MARCHF6: variants seen among roughly 807,000 people sequenced by gnomAD.
MARCHF6 encodes the protein membrane associated ring-CH-type finger 6.
MARCHF6 carries 31 observed loss-of-function variants against 133.7 expected under a neutral mutation model. The ratio of observed to expected loss-of-function variants is 0.23; its 90% CI spans 0.17 to 0.31. The LOEUF (loss-of-function observed/expected upper bound fraction) is 0.31. Ranked by LOEUF, MARCHF6 falls within the 10% of genes least tolerant of loss-of-function variation. MARCHF6 has a pLI of 1.00. For synonymous variants in MARCHF6, 395 were observed against 402.5 expected (o/e 0.98, Z 0.22); for missense variants, 723 against 1,121.6 (o/e 0.64, Z 5.08).
intron 1 of MARCHF6, among the ~76,000 whole-genome samples, chr5:10,365,789 C>T (rs537906712): frequency 5.3e-5 from 8 of 152,056 alleles, no homozygotes; most frequent in Non-Finnish European, 1.2e-4. Flanking sequence ...GAAAAATTAC[C>T]CATGTTCTCG....
At chr5:10,418,381 C>CAAA (rs36005391) in intron 22 of MARCHF6, among the ~76,000 whole-genome samples, 1 of 92,266 alleles carries the variant, frequency 1.1e-5, no homozygotes, top group African/African-American at 4.0e-5. Context: ...ACCCTGTCTC[C>CAAA]AAAAAAAAAA....
At chr5:10,391,466 GCA>G in intron 6 of MARCHF6, 74 bp from the exon 7 acceptor site, 4 of 116,758 alleles carry the variant, frequency 3.4e-5, no homozygotes, top group Non-Finnish European at 6.0e-5. Flanking sequence ...TTTTTTTTTA[GCA>G]GGAATAATGT....
intron 1 of MARCHF6, among the ~76,000 whole-genome samples, chr5:10,369,914 T>C (rs1214040095): frequency 2.0e-5 from 3 of 152,124 alleles, no homozygotes; most frequent in Non-Finnish European, 4.4e-5. Context: ...TGATTGTTTC[T>C]AGTTTTGGGG....
intron 3 of MARCHF6, 35 bp downstream of exon 3, chr5:10,378,867 T>G: frequency 1.4e-6 from 2 of 1,427,668 alleles, no homozygotes; most frequent in Non-Finnish European, 2.0e-6. Flanking sequence ...GCATTTTTTT[T>G]GGTTATCACT....
intron 1 of MARCHF6, among the ~76,000 whole-genome samples, chr5:10,362,711 G>A (rs1224943694): frequency 6.6e-6 from 1 of 152,176 alleles, no homozygotes; most frequent in Non-Finnish European, 1.5e-5. Flanking sequence ...AGCTTGAAAA[G>A]GGATGAATAT....
chr5:10,365,739 G>A (rs1736104216), intron 1 of MARCHF6, among the ~76,000 whole-genome samples: 1 of 152,070 alleles, frequency 6.6e-6, no homozygotes, highest in South Asian at 2.1e-4. Context: ...AATTGTAAAA[G>A]TAGCAATTAA....
rs201023548 is a variant in MARCHF6 at position 10,426,452 on chromosome 5, C to T, written c.2436C>T (p.Pro812=). ...LHYIVRKLAA[P]VISVLLLSLC... Reference sequence around the variant, plus strand: ...ATATTGTTCGTAAACTGGCAGCTCCCGTGATCTCTGTGCTGTTGCTTTCCC... The same window carrying T: ...ATATTGTTCGTAAACTGGCAGCTCCTGTGATCTCTGTGCTGTTGCTTTCCC... The change falls in exon 24 of 26, where the codon CCC becomes CCT. Residue 812 remains proline, a synonymous_variant. Coordinates refer to ENST00000274140, the MANE Select transcript of MARCHF6 (RefSeq NM_005885.4). 24 of 1,614,124 alleles carry T rather than the reference C, an allele frequency of 1.5e-5. No individual in the cohort carries two copies. The highest frequency in any genetic ancestry group is 4.0e-5 in the African/African-American group (3 of 75,038).
At position 10,438,217 on chromosome 5, in the gene MARCHF6, G is replaced by C. The variant is rs1479008614; in HGVS notation, c.*4533G>C. ...TAGAGTAAAACCAATCAAATCCATT[G>C]TACATACCTGACCATATGTCCCAGA... On this transcript the variant is annotated 3_prime_UTR_variant, in exon 26 of 26. Coordinates refer to ENST00000274140, the MANE Select transcript of MARCHF6 (RefSeq NM_005885.4). 1 of 152,018 alleles carries C rather than the reference G, an allele frequency of 6.6e-6. No individual in the cohort carries two copies. Among genetic ancestry groups the C allele is most frequent in the Non-Finnish European group, 1.5e-5 (1 of 68,018 alleles). The allele number at this position is 152,018 out of a possible 1,614,324, so 9.4% of individuals were successfully genotyped here. A position where few individuals can be genotyped will look rare whatever the true frequency, so the allele number is the denominator to read the frequency against.
At position 10,435,703 on chromosome 5, in the gene MARCHF6, T is replaced by A. The variant is rs1740623731; in HGVS notation, c.*2019T>A. ...TATATATATATATATATATATTTTTTTTTTTTTTTTTTTTTTTTTTTTTTT... is the reference window on the plus strand; with the variant it reads ...TATATATATATATATATATATTTTTATTTTTTTTTTTTTTTTTTTTTTTTT... On this transcript the variant is annotated 3_prime_UTR_variant, in exon 26 of 26. Transcript: ENST00000274140. 2.6e-5 allele frequency: 1 copy of A among 38,406 alleles called. No homozygotes were observed. The highest frequency in any genetic ancestry group is 5.3e-5 in the Non-Finnish European group (1 of 18,814). 2.4% of individuals were successfully genotyped at this position (38,406 alleles called of 1,614,324 possible).
At chr5:10,354,643 C>T (rs1394212630) in intron 1 of MARCHF6, 1 of 152,230 alleles carries the variant, frequency 6.6e-6, no homozygotes, top group African/African-American at 2.4e-5. Context: ...CCTTATGTCT[C>T]TTCAAACGCA....
chr5:10,354,176 A>C (rs1459525787), intron 1 of MARCHF6, among the ~76,000 whole-genome samples: 4 of 151,884 alleles, frequency 2.6e-5, no homozygotes, highest in Non-Finnish European at 5.9e-5. Flanking sequence ...CCTCGGGGCT[A>C]CTGCAGGCCG....
intron 2 of MARCHF6, among the ~76,000 whole-genome samples, chr5:10,378,193 T>C (rs1172494535): frequency 1.3e-5 from 2 of 152,208 alleles, no homozygotes; most frequent in Non-Finnish European, 2.9e-5. Flanking sequence ...CTGAAAGTGT[T>C]ATGATTTTCT....
At position 10,423,833 on chromosome 5, in the gene MARCHF6, A is replaced by G; in HGVS notation, c.2373+9A>G. 1 of 1,596,600 alleles carries G rather than the reference A, an allele frequency of 6.3e-7. No homozygotes were observed. The highest frequency in any genetic ancestry group is 1.1e-5 in the South Asian group (1 of 89,828). ...AAACTGTAATTGAACAGGTAAGCAA[A>G]ATCAGTTTTCAGAGAAAGACATTCT... is the stretch of plus-strand genomic sequence containing the variant. On this transcript the variant is annotated intron_variant, in intron 23 of 25. Transcript: ENST00000274140.
chr5:10,407,028 G>T, intron 16 of MARCHF6, 74 bp from the exon 17 acceptor site: 1 of 796,724 alleles, frequency 1.3e-6, no homozygotes, highest in Non-Finnish European at 2.1e-6. Context: ...GCTTGAGTGT[G>T]CTCAGAAGTC....
chr5:10,402,218 C>T lies in MARCHF6; in HGVS notation c.1053+79C>T, dbSNP rs1738583566. The T allele has an allele frequency of 6.2e-6, 7 of 1,126,442 alleles. No individual in the cohort carries two copies. The South Asian group carries it at 9.3e-5, about 15-fold the overall frequency. 69.8% of individuals were successfully genotyped at this position (1,126,442 alleles called of 1,614,324 possible). On this transcript the variant is annotated intron_variant, in intron 12 of 25. Coordinates refer to ENST00000274140, the MANE Select transcript of MARCHF6 (RefSeq NM_005885.4). ...ACTCTTCATTAATGGCGAAACTTGT[C>T]TATCCTTGTCCTCTTAGTAAAAGTT...
At chr5:10,361,179 A>G (rs911104909) in intron 1 of MARCHF6, among the ~76,000 whole-genome samples, 3 of 152,276 alleles carry the variant, frequency 2.0e-5, no homozygotes, top group East Asian at 3.8e-4. Flanking sequence ...TAGAATTAAT[A>G]GAACATAGTA....
At chr5:10,424,655 A>G (rs1472418863) in intron 23 of MARCHF6, among the ~76,000 whole-genome samples, 3 of 152,222 alleles carry the variant, frequency 2.0e-5, no homozygotes, top group African/African-American at 7.2e-5. Context: ...ACAAAAATGA[A>G]AATACGTGCT....
At position 10,355,627 on chromosome 5, in the gene MARCHF6, A is replaced by C. The variant is rs141412709; in HGVS notation, c.19+1710A>C. 1.3e-4 allele frequency among the ~76,000 whole-genome samples: 20 copies of C among 152,382 alleles called. No homozygotes were observed. In the East Asian group the frequency reaches 3.9e-3, roughly 29 times the overall value. Reference sequence around the variant, plus strand: ...TTGAACACTGTTGCCTGTTAAAATAACATGTGCTGAAGACTCAACGTGTAG... The same window carrying C: ...TTGAACACTGTTGCCTGTTAAAATACCATGTGCTGAAGACTCAACGTGTAG... On this transcript the variant is annotated intron_variant, in intron 1 of 25. Coordinates refer to ENST00000274140, the MANE Select transcript of MARCHF6 (RefSeq NM_005885.4).
At chr5:10,403,041 T>A (rs893583845) in intron 14 of MARCHF6, among the ~76,000 whole-genome samples, 2 of 152,244 alleles carry the variant, frequency 1.3e-5, no homozygotes, top group African/African-American at 4.8e-5. Context: ...GTTTCAAAAA[T>A]ATTTTATGTG....
Sources: gnomAD v4.1 joint callset for allele counts (sites outside exome capture counted in the v4.1 genomes callset) on GRCh38, gnomAD v4.1.1 for gene constraint, MANE v1.5 for transcripts, NCBI Gene and HGNC (gene_info 2026-07-23, HGNC 2026-07-21) for gene names.